Variants in RGL1 observed in about 807,000 individuals in gnomAD.
RGL1 encodes ral guanine nucleotide dissociation stimulator-like 1.
A neutral mutation model predicts 95.2 loss-of-function variants in RGL1; 24 were observed. The ratio of observed to expected loss-of-function variants is 0.25; its 90% confidence interval spans 0.18 to 0.35. The LOEUF is 0.35. Among genes scored for constraint, RGL1 ranks in the 10% least tolerant of loss-of-function variants. The pLI, the probability that RGL1 is intolerant of heterozygous loss-of-function variation, is 1.00. For missense variants in RGL1, 715 were observed against 936.3 expected (o/e 0.76, Z 3.08); for synonymous variants, 329 against 344.9 (o/e 0.95, Z 0.51).
At chr1:183,866,950 G>T (rs980119459) in intron 4 of RGL1, among the ~76,000 whole-genome samples, 3 of 152,168 alleles carry the variant, frequency 2.0e-5, no homozygotes, top group African/African-American at 4.8e-5. Flanking sequence ...GGACAAGCTG[G>T]AGTGCATGGG....
chr1:183,892,260 A>G, intron 9 of RGL1, 99 bp downstream of exon 9: 1 of 850,018 alleles, frequency 1.2e-6, no homozygotes, highest in Non-Finnish European at 1.8e-6. Context: ...CTTCAACTCC[A>G]AAGAAAGCCT....
chr1:183,824,412 C>A (rs1470290291), intron 2 of RGL1, among the ~76,000 whole-genome samples: 1 of 152,124 alleles, frequency 6.6e-6, no homozygotes, highest in Non-Finnish European at 1.5e-5. Flanking sequence ...CTTTAGTTTC[C>A]TCTTCACCAT....
At chr1:183,774,510 T>A (rs1026447261) in intron 2 of RGL1, among the ~76,000 whole-genome samples, 15 of 151,918 alleles carry the variant, frequency 9.9e-5, no homozygotes, top group African/African-American at 3.6e-4. Context: ...TTCTTATGGA[T>A]AAACATAGAA....
intron 3 of RGL1, among the ~76,000 whole-genome samples, chr1:183,854,820 T>C (rs1193176462): frequency 6.6e-6 from 1 of 152,194 alleles, no homozygotes; most frequent in Non-Finnish European, 1.5e-5. Context: ...TTTCCTCATC[T>C]ATAAAATAAC....
At chr1:183,835,528 A>G (rs952235321) in intron 2 of RGL1, among the ~76,000 whole-genome samples, 3 of 152,204 alleles carry the variant, frequency 2.0e-5, no homozygotes, top group Admixed American at 6.5e-5. Flanking sequence ...TAAGTCATTC[A>G]TCCATCTTTC....
intron 2 of RGL1, among the ~76,000 whole-genome samples, chr1:183,750,610 G>A (rs565379002): frequency 7.5e-6 from 1 of 133,860 alleles, no homozygotes; most frequent in African/African-American, 2.5e-5. Flanking sequence ...TGCTGGTGAG[G>A]AGTTGTGATC....
At chr1:183,729,500 G>T (rs1656505453) in intron 1 of RGL1, among the ~76,000 whole-genome samples, 1 of 152,090 alleles carries the variant, frequency 6.6e-6, no homozygotes, top group Admixed American at 6.6e-5. Context: ...AAACCACTGA[G>T]ATTTTCCTGC....
At chr1:183,697,842 C>T (rs1023812134) in intron 1 of RGL1, among the ~76,000 whole-genome samples, 18 of 152,208 alleles carry the variant, frequency 1.2e-4, no homozygotes, top group Non-Finnish European at 1.9e-4. Flanking sequence ...TCTCAGTTCT[C>T]TCCCTTCCCC....
chr1:183,744,935 A>C (rs995864610), intron 2 of RGL1, among the ~76,000 whole-genome samples: 1 of 152,176 alleles, frequency 6.6e-6, no homozygotes, highest in African/African-American at 2.4e-5. Context: ...GAATACCTTT[A>C]GTTTTGCTAG....
chr1:183,721,606 A>G (rs533987074), intron 1 of RGL1, among the ~76,000 whole-genome samples: 3 of 152,300 alleles, frequency 2.0e-5, no homozygotes, highest in African/African-American at 4.8e-5. Flanking sequence ...CCAATCTGTA[A>G]TCAGATCTTT....
intron 1 of RGL1, among the ~76,000 whole-genome samples, chr1:183,740,719 A>T (rs935703644): frequency 2.0e-4 from 31 of 152,180 alleles, no homozygotes; most frequent in Non-Finnish European, 3.1e-4. Context: ...CCACTAAGTC[A>T]ATAAAAAAGT....
At chr1:183,666,037 CT>C (rs1358961383) in intron 1 of RGL1, among the ~76,000 whole-genome samples, 1 of 137,338 alleles carries the variant, frequency 7.3e-6, no homozygotes, top group African/African-American at 2.8e-5. Flanking sequence ...TGGAGTTTCG[CT>C]CTTTTTGCCC....
intron 4 of RGL1, among the ~76,000 whole-genome samples, chr1:183,880,201 G>A (rs1370751496): frequency 6.6e-6 from 1 of 152,110 alleles, no homozygotes; most frequent in African/African-American, 2.4e-5. Context: ...TGGCCTACCG[G>A]CAGTCAGTTA....
chr1:183,698,290 G>A (rs1455092327), intron 1 of RGL1, among the ~76,000 whole-genome samples: 2 of 152,200 alleles, frequency 1.3e-5, no homozygotes, highest in Non-Finnish European at 2.9e-5. Flanking sequence ...TGGTCTAGGA[G>A]TGGTAGTGGC....
At chr1:183,739,943 C>T (rs1185491680) in intron 1 of RGL1, among the ~76,000 whole-genome samples, 2 of 152,186 alleles carry the variant, frequency 1.3e-5, no homozygotes, top group African/African-American at 2.4e-5. Context: ...GTTACGCTTA[C>T]GGATGTTCCA....
chr1:183,645,795 T>A (rs1434744528), intron 1 of RGL1, among the ~76,000 whole-genome samples: 2 of 152,244 alleles, frequency 1.3e-5, no homozygotes, highest in East Asian at 1.9e-4. Flanking sequence ...ATTACTTGCC[T>A]TGGACAGTAT....
At chr1:183,760,960 T>C (rs951621612) in intron 2 of RGL1, among the ~76,000 whole-genome samples, 1 of 152,228 alleles carries the variant, frequency 6.6e-6, no homozygotes, top group African/African-American at 2.4e-5. Flanking sequence ...TACTGTGAGA[T>C]TGCAGCAATT....
chr1:183,743,931 G>A (rs944308584), intron 2 of RGL1, among the ~76,000 whole-genome samples: 14 of 152,196 alleles, frequency 9.2e-5, no homozygotes, highest in Non-Finnish European at 1.3e-4. Context: ...GAAGTTTGGA[G>A]GACTAGGCTT....
At chr1:183,866,607 G>C (rs938028627) in intron 4 of RGL1, among the ~76,000 whole-genome samples, 2 of 152,228 alleles carry the variant, frequency 1.3e-5, no homozygotes, top group Non-Finnish European at 2.9e-5. Flanking sequence ...GCGCGTGCTA[G>C]GGGATGAGCA....
Sources: allele counts gnomAD v4.1 joint callset (sites outside exome capture counted in the v4.1 genomes callset), GRCh38; gene constraint gnomAD v4.1.1; transcripts MANE v1.5; gene names NCBI Gene and HGNC (gene_info 2026-07-23, HGNC 2026-07-21).